EPS8L2: variants seen among roughly 807,000 people sequenced by gnomAD.
EPS8L2 encodes the protein EPS8 signaling adaptor L2, also known as epidermal growth factor receptor kinase substrate 8-like protein 2.
EPS8L2 carries 81 observed loss-of-function variants against 99.4 expected under a neutral mutation model. That is an observed-to-expected ratio of 0.82 (90% confidence interval 0.68 to 0.98). EPS8L2 has a LOEUF of 0.98. Among genes scored for constraint, EPS8L2 ranks in the 50% least tolerant of loss-of-function variants. The probability of loss-of-function intolerance (pLI) is 0.00; values close to 1 mark genes in which losing one functional copy is unlikely to be tolerated. For missense variants in EPS8L2, 1,155 were observed against 968.8 expected (o/e 1.19, Z -2.55); for synonymous variants, 509 against 407.3 (o/e 1.25, Z -3.01).
At chr11:720,983 C>CAGGGG in intron 7 of EPS8L2, 74 bp downstream of exon 7, 1 of 1,367,614 alleles carries the variant, frequency 7.3e-7, no homozygotes. Context: ...GAGGAGCCGG[C>CAGGGG]AGGGGAGGGG....
At chr11:714,521 G>A (rs942820019) in intron 4 of EPS8L2, among the ~76,000 whole-genome samples, 24 of 151,794 alleles carry the variant, frequency 1.6e-4, no homozygotes, top group South Asian at 8.3e-4. Context: ...GTGAGCCGCC[G>A]CGCTGGGCCA....
At position 722,539 on chromosome 11, in the gene EPS8L2, A is replaced by T; in HGVS notation, c.1198A>T (p.Met400Leu). The T allele has an allele frequency of 1.2e-6, 2 of 1,612,982 alleles. No individual in the cohort carries two copies. Among genetic ancestry groups the T allele is most frequent in the Non-Finnish European group, 1.7e-6 (2 of 1,179,856 alleles). Reference protein sequence around the residue: ...SLWESLGESWMRPRSEWPREP... With the variant: ...SLWESLGESWLRPRSEWPREP... The stretch of plus-strand genomic sequence containing the variant: ...GTGGGAGTCACTGGGAGAGAGCTGG[A>T]TGCGGCCCCGGTAGGGCAGGGCAGA... The change falls in exon 13 of 21, where the codon ATG (methionine) becomes TTG (leucine). Residue 400 changes from methionine (M) to leucine (L), a missense_variant. By Grantham distance (15) the Met-to-Leu change is conservative (BLOSUM62 2). Transcript: ENST00000318562.
At chr11:711,775 G>A (rs1256962405) in intron 4 of EPS8L2, among the ~76,000 whole-genome samples, 3 of 152,072 alleles carry the variant, frequency 2.0e-5, no homozygotes, top group Non-Finnish European at 2.9e-5. Flanking sequence ...TCTGAGGTTA[G>A]GAGTTTGAGA....
intron 4 of EPS8L2, among the ~76,000 whole-genome samples, chr11:716,096 C>A (rs1216926403): frequency 6.6e-6 from 1 of 151,416 alleles, no homozygotes; most frequent in Non-Finnish European, 1.5e-5. Flanking sequence ...CCTCAGCCTC[C>A]CAAGTAGCTG....
intron 4 of EPS8L2, among the ~76,000 whole-genome samples, chr11:712,913 C>T (rs1027750640): frequency 6.6e-6 from 1 of 152,270 alleles, no homozygotes; most frequent in East Asian, 1.9e-4. Flanking sequence ...TGGGCAGCTC[C>T]ACCACCTTTC....
chr11:713,013 C>G (rs1861929668), intron 4 of EPS8L2, among the ~76,000 whole-genome samples: 1 of 151,600 alleles, frequency 6.6e-6, no homozygotes, highest in Admixed American at 6.6e-5. Context: ...TGGCCCCCAG[C>G]CAGCAGGAGC....
chr11:725,497 T>A (rs964968658), intron 16 of EPS8L2, among the ~76,000 whole-genome samples: 4 of 151,422 alleles, frequency 2.6e-5, no homozygotes, highest in African/African-American at 9.7e-5. Context: ...GGCGGCAGAG[T>A]GAGACCCTGT....
In EPS8L2 at chr11:721,515, G is replaced by A. The variant is rs373335017; in HGVS notation, c.769-50G>A. 209 of 1,520,206 alleles carry A rather than the reference G, an allele frequency of 1.4e-4. 1 individual carries two copies. Among genetic ancestry groups the A allele is most frequent in the East Asian group, 9.1e-4 (40 of 43,924 alleles). The allele number at this position is 1,520,206 out of a possible 1,614,324, so 94.2% of individuals were successfully genotyped here. On this transcript the variant is annotated intron_variant, in intron 9 of 20. Transcript: ENST00000318562. ...TGTGGGGCTGTCCCTGCAGCAAGGC[G>A]GGGCGGTGGGGAGTGTCAGGGGCTG... is the stretch of plus-strand genomic sequence containing the variant.
rs5789193 is a variant in EPS8L2 at position 720,978 on chromosome 11, G to GCCCGGCAGGGAGGGAGGGGAGGAGC, written c.557+71_557+72insCGGCAGGGAGGGAGGGGAGGAGCCC. On this transcript the variant is annotated intron_variant, in intron 7 of 20. Transcript: ENST00000318562. Reference sequence around the variant, plus strand: ...AGGAGCCCGGCAGGGGAGGGGAGGAGCCGGCAGGGGAGGGGAGGAGCCCGG... The same window carrying GCCCGGCAGGGAGGGAGGGGAGGAGC: ...AGGAGCCCGGCAGGGGAGGGGAGGAGCCCGGCAGGGAGGGAGGGGAGGAGCCCGGCAGGGGAGGGGAGGAGCCCGG... The GCCCGGCAGGGAGGGAGGGGAGGAGC allele has an allele frequency of 1.9e-3, 2,104 of 1,102,034 alleles. 80 individuals are homozygous for GCCCGGCAGGGAGGGAGGGGAGGAGC. Among genetic ancestry groups the GCCCGGCAGGGAGGGAGGGGAGGAGC allele is most frequent in the Non-Finnish European group, 2.3e-3 (1,873 of 803,224 alleles). 68.3% of individuals were successfully genotyped at this position (1,102,034 alleles called of 1,614,324 possible). A position where few individuals can be genotyped will look rare whatever the true frequency, so the allele number is the denominator to read the frequency against.
At position 723,429 on chromosome 11, in the gene EPS8L2, C is replaced by T. The variant is rs4078520; in HGVS notation, c.1454+76C>T. On this transcript the variant is annotated intron_variant, in intron 15 of 20. Transcript: ENST00000318562. ...TACAGTCTCTAAAAACATATGGGTACGCTGCCACCAGGTGGTGGCAAGTGC... is the reference window on the plus strand; with the variant it reads ...TACAGTCTCTAAAAACATATGGGTATGCTGCCACCAGGTGGTGGCAAGTGC... 287,717 of 597,196 alleles carry T rather than the reference C, an allele frequency of 0.48. 73,153 individuals carry two copies. Among genetic ancestry groups the T allele is most frequent in the Admixed American group, 0.58 (17,685 of 30,242 alleles). The allele number at this position is 597,196 out of a possible 1,614,324, so 37.0% of individuals were successfully genotyped here.
Position 726,784 on chromosome 11 carries a change from TC to T in EPS8L2, c.2067+35del, listed in dbSNP as rs749927146. On this transcript the variant is annotated intron_variant, in intron 20 of 20. Transcript: ENST00000318562. ...CGCCTGCGCTCCGGCGCCACGCCCC[TC>T]CTGCCCCTGCGCCCTCCTCTCCCCC... is the stretch of plus-strand genomic sequence containing the variant. 54 of 1,580,532 alleles carry T rather than the reference TC, an allele frequency of 3.4e-5. 1 individual carries two copies. In the East Asian group the frequency reaches 1.2e-3, roughly 35 times the overall value.
intron 4 of EPS8L2, among the ~76,000 whole-genome samples, chr11:712,502 G>A (rs1181667828): frequency 6.6e-6 from 1 of 151,960 alleles, no homozygotes; most frequent in Non-Finnish European, 1.5e-5. Context: ...GCCTGGGTGC[G>A]AGCTGGGCTT....
At chr11:721,263 C>T in intron 8 of EPS8L2, 22 bp from the exon 9 acceptor site, 3 of 1,538,110 alleles carry the variant, frequency 2.0e-6, no homozygotes, top group Non-Finnish European at 2.6e-6. Flanking sequence ...GCTCGGTGAG[C>T]AGCCGCCGTG....
chr11:710,652 C>A (rs1248371948), intron 4 of EPS8L2, among the ~76,000 whole-genome samples, 166 bp downstream of exon 4: 1 of 152,220 alleles, frequency 6.6e-6, no homozygotes, highest in Non-Finnish European at 1.5e-5. Context: ...TCACTTGAGC[C>A]CGGGAGGCGG....
chr11:720,991 G>A (rs1862154511), intron 7 of EPS8L2, 73 bp from the exon 8 acceptor site: 2 of 1,463,288 alleles, frequency 1.4e-6, no homozygotes, highest in East Asian at 2.5e-5. Flanking sequence ...GGCAGGGGAG[G>A]GGAGGAGCCC....
At chr11:710,588 G>T in intron 4 of EPS8L2, 102 bp downstream of exon 4, 1 of 1,150,796 alleles carries the variant, frequency 8.7e-7, no homozygotes, top group South Asian at 1.2e-5. Flanking sequence ...AATTAGACGG[G>T]CATGGTGGTG....
In EPS8L2 at chr11:726,477, A is replaced by C; in HGVS notation, c.1927A>C (p.Ser643Arg). 1 of 1,557,632 alleles carries C rather than the reference A, an allele frequency of 6.4e-7. No individual in the cohort carries two copies. Among genetic ancestry groups the C allele is most frequent in the Non-Finnish European group, 8.7e-7 (1 of 1,152,538 alleles). The part of the protein sequence containing the change: ...VRAWLEAKAF[S>R]PRIVENLGIL... The stretch of plus-strand genomic sequence containing the variant: ...CGCCTGGCTGGAAGCCAAGGCCTTC[A>C]GCCCGCGGTGAGCGGGGGCGGGGGA... The change falls in exon 19 of 21, where the codon AGC becomes CGC. Residue 643 changes from serine to arginine, a missense_variant. By Grantham distance (110) the Ser-to-Arg change is moderately radical. Coordinates refer to ENST00000318562, the MANE Select transcript of EPS8L2 (RefSeq NM_022772.4).
chr11:708,830 TG>T, intron 1 of EPS8L2: 1 of 162,952 alleles, frequency 6.1e-6, no homozygotes, highest in Non-Finnish European at 1.3e-5. Flanking sequence ...AGGCCTGGGG[TG>T]GGGCAGGAGT....
At position 724,944 on chromosome 11, in the gene EPS8L2, G is replaced by T. The variant is rs1862276571; in HGVS notation, c.1560+115G>T. ...GCCAGGCTGGGTGATGCCAGGACGG[G>T]GCACAGCTGCTGGCCCCTTTCTCCA... On this transcript the variant is annotated intron_variant, in intron 16 of 20. Coordinates refer to ENST00000318562, the MANE Select transcript of EPS8L2 (RefSeq NM_022772.4). The surrounding 1 kb of genome is among the most constrained non-coding windows in gnomAD (Gnocchi z 5.5). 3 of 752,070 alleles carry T rather than the reference G, an allele frequency of 4.0e-6. No individual in the cohort carries two copies. The highest frequency in any genetic ancestry group is 6.8e-6 in the Non-Finnish European group (3 of 439,054). The allele number at this position is 752,070 out of a possible 1,614,324, so 46.6% of individuals were successfully genotyped here.
Sources: gnomAD v4.1 joint callset for allele counts (sites outside exome capture counted in the v4.1 genomes callset) on GRCh38, gnomAD v4.1.1 for gene constraint, Gnocchi (gnomAD v3.1) non-coding constraint, MANE v1.5 for transcripts, NCBI Gene and HGNC (gene_info 2026-07-23, HGNC 2026-07-21) for gene names.